Variants in GULP1 observed in about 807,000 individuals in gnomAD.
GULP1 encodes GULP PTB domain containing engulfment adaptor 1.
Under a neutral mutation model 40.9 loss-of-function variants are expected in GULP1, and 19 were observed. That is an observed-to-expected ratio of 0.46 (90% CI 0.32 to 0.68). The LOEUF (loss-of-function observed/expected upper bound fraction) is 0.68. Among genes scored for constraint, GULP1 ranks in the 30% least tolerant of loss-of-function variants. The probability of loss-of-function intolerance (pLI) is 0.03; values close to 1 mark genes in which losing one functional copy is unlikely to be tolerated. For missense variants in GULP1, 312 were observed against 362.2 expected (o/e 0.86, Z 1.12); for synonymous variants, 119 against 117.6 (o/e 1.01, Z -0.08).
chr2:188,535,750 A>C (rs1688774280), intron 6 of GULP1, among the ~76,000 whole-genome samples: 1 of 152,132 alleles, frequency 6.6e-6, no homozygotes, highest in Non-Finnish European at 1.5e-5. Flanking sequence ...CAACTGTTTT[A>C]AGTTCCTTGG....
chr2:188,399,252 T>G (rs961807889), intron 2 of GULP1, among the ~76,000 whole-genome samples: 1 of 152,148 alleles, frequency 6.6e-6, no homozygotes, highest in Non-Finnish European at 1.5e-5. Context: ...GTTCTAGGCA[T>G]CTAGAGATCA....
intron 7 of GULP1, among the ~76,000 whole-genome samples, chr2:188,561,389 G>A (rs566909868): frequency 6.6e-6 from 1 of 152,280 alleles, no homozygotes; most frequent in East Asian, 1.9e-4. Context: ...TGCATCCCAG[G>A]TACTGTATGT....
chr2:188,343,709 C>T lies in GULP1; in HGVS notation c.-171-40054C>T, dbSNP rs547350684. 4.6e-5 allele frequency among the ~76,000 whole-genome samples: 7 copies of T among 152,258 alleles called. No individual in the cohort carries two copies. In the East Asian group the frequency reaches 1.3e-3, roughly 29 times the overall value. ...CCCATTACAGATAATCTCATTATTTCCTCAAAGGGTAGGAGAACTTAGGGA... is the reference window on the plus strand; with the variant it reads ...CCCATTACAGATAATCTCATTATTTTCTCAAAGGGTAGGAGAACTTAGGGA... On this transcript the variant is annotated intron_variant, in intron 1 of 11. Coordinates refer to ENST00000409830, the MANE Select transcript of GULP1 (RefSeq NM_016315.4).
intron 2 of GULP1, among the ~76,000 whole-genome samples, chr2:188,409,545 C>T (rs1346408061): frequency 2.6e-5 from 4 of 152,012 alleles, no homozygotes; most frequent in Non-Finnish European, 5.9e-5. Context: ...GAATTAATAC[C>T]AATTCTTTTC....
intron 4 of GULP1, among the ~76,000 whole-genome samples, chr2:188,503,313 G>A (rs550330762): frequency 2.6e-5 from 4 of 151,882 alleles, no homozygotes; most frequent in Non-Finnish European, 4.4e-5. Context: ...AAAGAAAGAG[G>A]TTTAATTGAC....
intron 1 of GULP1, among the ~76,000 whole-genome samples, chr2:188,301,198 A>G (rs1013046107): frequency 2.0e-5 from 3 of 152,078 alleles, no homozygotes; most frequent in African/African-American, 7.2e-5. Flanking sequence ...AATTTTTACA[A>G]TTCCTTCTAG....
chr2:188,318,294 G>A (rs919142198), intron 1 of GULP1, among the ~76,000 whole-genome samples: 1 of 123,390 alleles, frequency 8.1e-6, no homozygotes, highest in African/African-American at 3.4e-5. Context: ...TTTAGTCAGA[G>A]GGTATATAAA....
At chr2:188,572,483 T>C (rs887501622) in intron 9 of GULP1, among the ~76,000 whole-genome samples, 2 of 152,184 alleles carry the variant, frequency 1.3e-5, no homozygotes, top group African/African-American at 4.8e-5. Flanking sequence ...TAAATCACGG[T>C]CTTACACTGA....
At chr2:188,357,917 A>G (rs1329369338) in intron 1 of GULP1, among the ~76,000 whole-genome samples, 2 of 152,316 alleles carry the variant, frequency 1.3e-5, no homozygotes, top group East Asian at 1.9e-4. Context: ...AGTGGCTCAC[A>G]CCTGTAATTC....
At chr2:188,583,409 C>T (rs988588736) in intron 9 of GULP1, among the ~76,000 whole-genome samples, 12 of 152,206 alleles carry the variant, frequency 7.9e-5, no homozygotes, top group Admixed American at 3.3e-4. Context: ...GCAAATTTTT[C>T]GCCACTATTC....
chr2:188,547,310 T>C (rs1012510617), intron 7 of GULP1, among the ~76,000 whole-genome samples: 1 of 151,418 alleles, frequency 6.6e-6, no homozygotes, highest in African/African-American at 2.4e-5. Flanking sequence ...TAAGGAAATA[T>C]AACCCAGTAA....
chr2:188,345,661 G>T (rs1350055233), intron 1 of GULP1, among the ~76,000 whole-genome samples: 1 of 152,128 alleles, frequency 6.6e-6, no homozygotes, highest in East Asian at 1.9e-4. Flanking sequence ...AATATTGTGT[G>T]TGGGCCACTC....
At chr2:188,574,666 C>CA (rs1223382732) in intron 9 of GULP1, among the ~76,000 whole-genome samples, 2 of 150,574 alleles carry the variant, frequency 1.3e-5, no homozygotes, top group African/African-American at 5.0e-5. Context: ...AACAAACAAA[C>CA]AACAACAACA....
chr2:188,419,652 G>A (rs2055098972), intron 2 of GULP1, among the ~76,000 whole-genome samples: 1 of 151,568 alleles, frequency 6.6e-6, no homozygotes, highest in Admixed American at 6.6e-5. Flanking sequence ...CCATTCTATA[G>A]TGCTTGTTTT....
intron 1 of GULP1, among the ~76,000 whole-genome samples, chr2:188,366,109 C>A (rs1332185098): frequency 6.6e-6 from 1 of 152,028 alleles, no homozygotes; most frequent in African/African-American, 2.4e-5. Context: ...GCAGCCAGAG[C>A]AGGCCAACCA....
At chr2:188,452,492 CTTAT>C (rs937976753) in intron 2 of GULP1, among the ~76,000 whole-genome samples, 5 of 152,308 alleles carry the variant, frequency 3.3e-5, no homozygotes, top group South Asian at 2.1e-4. Flanking sequence ...TCAAACCCAT[CTTAT>C]TTAAGAATAT....
At chr2:188,578,830 A>G (rs1388865669) in intron 9 of GULP1, among the ~76,000 whole-genome samples, 4 of 152,152 alleles carry the variant, frequency 2.6e-5, no homozygotes, top group African/African-American at 9.6e-5. Flanking sequence ...TGACAGAAAG[A>G]CCAAAATAAA....
chr2:188,499,135 G>GTA (rs893185238), intron 4 of GULP1, among the ~76,000 whole-genome samples: 576 of 56,344 alleles, frequency 0.01, 8 homozygotes, highest in Admixed American at 0.066. Context: ...ATATGTGTGT[G>GTA]TATATATATA....
chr2:188,370,123 T>C (rs2047407423), intron 1 of GULP1, among the ~76,000 whole-genome samples: 2 of 152,306 alleles, frequency 1.3e-5, no homozygotes, highest in East Asian at 3.9e-4. Flanking sequence ...GATGATCTAG[T>C]CTTAGCTCAG....
Sources: gnomAD v4.1 joint callset for allele counts (sites outside exome capture counted in the v4.1 genomes callset) on GRCh38, gnomAD v4.1.1 for gene constraint, MANE v1.5 for transcripts, NCBI Gene and HGNC (gene_info 2026-07-23, HGNC 2026-07-21) for gene names.